The following P2RX1 variants were observed in gnomAD, a reference collection of about 807,000 sequenced individuals.
The protein encoded by P2RX1 is purinergic receptor P2X 1, also known as P2X purinoceptor 1.
In P2RX1, 42 loss-of-function variants were observed where a neutral mutation model predicts 50.3. The ratio of observed to expected loss-of-function variants is 0.83; its 90% confidence interval spans 0.65 to 1.08. P2RX1 has a LOEUF of 1.08. P2RX1 is among the 50% of genes least tolerant of loss of function. The pLI is 0.00. For synonymous variants in P2RX1, 199 were observed against 202.6 expected, an observed-to-expected ratio of 0.98 and a Z score of 0.15; for missense variants, 449 against 529.0, an observed-to-expected ratio of 0.85 and a Z score of 1.48.
At position 3,897,808 on chromosome 17, in the gene P2RX1, C is replaced by T. The variant is rs116629467; in HGVS notation, c.*6G>A. The T allele has an allele frequency of 1.8e-3, 2,878 of 1,612,214 alleles. 51 individuals are homozygous for T. In the African/African-American group the frequency reaches 0.032, roughly 18 times the overall value. On this transcript the variant is annotated 3_prime_UTR_variant, in exon 12 of 12. Transcript: ENST00000225538. ...CTGCACCCAGTCAGGAGTTGGGGCC[C>T]GAGCATCAGGATGTCCTCATGTTCT...
chr17:3,905,137 G>T, intron 2 of P2RX1, 83 bp downstream of exon 2: 1 of 1,551,470 alleles, frequency 6.4e-7, no homozygotes. Context: ...AGCTGGGCTG[G>T]TCCCACAGGG....
chr17:3,903,345 T>TG lies in P2RX1; in HGVS notation c.606-3dup, dbSNP rs2056189004. On this transcript the variant is annotated splice_polypyrimidine_tract_variant and splice_region_variant and intron_variant, in intron 6 of 11. Coordinates refer to ENST00000225538, the MANE Select transcript of P2RX1 (RefSeq NM_002558.4). The surrounding 1 kb of genome is among the most constrained non-coding windows in gnomAD (Gnocchi z 4.6). ...TTCACCTCCTCCACCAGGTTGCGCC[T>TG]GTGGGGGTGGAAGGTGTTGACAGCT... The TG allele has an allele frequency of 6.2e-7, 1 of 1,613,920 alleles. No homozygotes were observed.
chr17:3,909,665 A>G (rs904014062), intron 1 of P2RX1, among the ~76,000 whole-genome samples: 2 of 152,186 alleles, frequency 1.3e-5, no homozygotes, highest in Non-Finnish European at 2.9e-5. Context: ...TGGGCAACAT[A>G]GTAACACGCT....
At position 3,901,427 on chromosome 17, in the gene P2RX1, G is replaced by A. The variant is rs114920722; in HGVS notation, c.748-1666C>T. Among the ~76,000 whole-genome samples the A allele has an allele frequency of 3.3e-3, 504 of 152,268 alleles. 6 individuals carry two copies. The highest frequency in any genetic ancestry group is 0.012 in the African/African-American group (482 of 41,546). On this transcript the variant is annotated intron_variant, in intron 7 of 11. Transcript: ENST00000225538. ...TAACATTCAGCATGTGTGTTGCTCC[G>A]GCATCAACCCCCTCCAGGGGTCAGG...
At chr17:3,906,657 C>A (rs190040311) in intron 1 of P2RX1, among the ~76,000 whole-genome samples, 1 of 152,182 alleles carries the variant, frequency 6.6e-6, no homozygotes, top group African/African-American at 2.4e-5. Context: ...GTGGCTCAGT[C>A]GGGAGGTCTT....
At chr17:3,913,719 C>T (rs2144081461) in intron 1 of P2RX1, among the ~76,000 whole-genome samples, 1 of 152,364 alleles carries the variant, frequency 6.6e-6, no homozygotes, top group South Asian at 2.1e-4. Context: ...ATCCCCCACC[C>T]AGGCTTTGCC....
At chr17:3,915,881 C>T in intron 1 of P2RX1, 1 of 707,870 alleles carries the variant, frequency 1.4e-6, no homozygotes. Flanking sequence ...CACCGAAGGC[C>T]CCCGGGCAGG....
At position 3,903,215 on chromosome 17, in the gene P2RX1, G is replaced by T; in HGVS notation, c.734C>A (p.Thr245Asn). 1.2e-6 allele frequency: 2 copies of T among 1,614,154 alleles called. No individual in the cohort carries two copies. Among genetic ancestry groups the T allele is most frequent in the Non-Finnish European group, 8.5e-7 (1 of 1,180,044 alleles). ...CATGCTCCATACCTTCTCAGCCAGG[G>T]TGCTGAAGTTCTGGCCTGACTCTTG... ...VVQESGQNFS[T>N]LAEKGGVVGI... is the part of the protein sequence containing the mutation. The change falls in exon 7 of 12, where the codon ACC becomes AAC. Residue 245 changes from threonine to asparagine, a missense_variant. Coordinates refer to ENST00000225538, the MANE Select transcript of P2RX1 (RefSeq NM_002558.4). This position sits in a 1 kb window ranked among gnomAD's most constrained non-coding sequence, Gnocchi z 4.6.
intron 7 of P2RX1, among the ~76,000 whole-genome samples, chr17:3,900,615 T>G (rs1451056681): frequency 6.6e-6 from 1 of 152,196 alleles, no homozygotes; most frequent in Non-Finnish European, 1.5e-5. Context: ...ATTTATTTAT[T>G]TTCGCCCTGC....
At position 3,903,346 on chromosome 17, in the gene P2RX1, G is replaced by A. The variant is rs910225875; in HGVS notation, c.606-3C>T. 9 of 1,614,074 alleles carry A rather than the reference G, an allele frequency of 5.6e-6. No individual in the cohort carries two copies. The highest frequency in any genetic ancestry group is 2.2e-5 in the East Asian group (1 of 44,876). ...TCACCTCCTCCACCAGGTTGCGCCTGTGGGGGTGGAAGGTGTTGACAGCTG... is the reference window on the plus strand; with the variant it reads ...TCACCTCCTCCACCAGGTTGCGCCTATGGGGGTGGAAGGTGTTGACAGCTG... On this transcript the variant is annotated splice_region_variant and splice_polypyrimidine_tract_variant and intron_variant, in intron 6 of 11. Coordinates refer to ENST00000225538, the MANE Select transcript of P2RX1 (RefSeq NM_002558.4). The surrounding 1 kb of genome is among the most constrained non-coding windows in gnomAD (Gnocchi z 4.6).
chr17:3,898,112 T>A lies in P2RX1; in HGVS notation c.1033-2A>T. On this transcript the variant is annotated splice_acceptor_variant, in intron 10 of 11. Coordinates refer to ENST00000225538, the MANE Select transcript of P2RX1 (RefSeq NM_002558.4). LOFTEE classifies it high-confidence loss of function. ...CAGCAGGTCACAGAGAACTGTGGCC[T>A]GGGGTCAGGGAAGGGCACGGAGACA... The A allele has an allele frequency of 6.2e-7, 1 of 1,613,074 alleles. No homozygotes were observed. The highest frequency in any genetic ancestry group is 8.5e-7 in the Non-Finnish European group (1 of 1,179,624).
chr17:3,905,014 G>T (rs1171113879), intron 2 of P2RX1, 85 bp from the exon 3 acceptor site: 20 of 1,157,428 alleles, frequency 1.7e-5, no homozygotes, highest in Non-Finnish European at 2.5e-5. Flanking sequence ...CCCAGCAGAG[G>T]CCCCTAGAGC....
At chr17:3,904,541 T>G in intron 3 of P2RX1, 142 bp from the exon 4 acceptor site, 1 of 736,100 alleles carries the variant, frequency 1.4e-6, no homozygotes, top group Non-Finnish European at 2.3e-6. Context: ...CACAGCCTCC[T>G]TCCCCCATTT....
intron 1 of P2RX1, among the ~76,000 whole-genome samples, chr17:3,911,790 C>T (rs950453399): frequency 6.6e-6 from 1 of 152,230 alleles, no homozygotes; most frequent in African/African-American, 2.4e-5. Flanking sequence ...CTTCTCTATT[C>T]CTCTCCGGCC....
At chr17:3,910,287 T>G (rs187911869) in intron 1 of P2RX1, among the ~76,000 whole-genome samples, 81 of 152,298 alleles carry the variant, frequency 5.3e-4, no homozygotes, top group African/African-American at 1.9e-3. Context: ...CGAAATCTAT[T>G]TCGTGCCAAG....
In P2RX1 at chr17:3,915,900, T is replaced by C. The variant is rs572630045; in HGVS notation, c.137+189A>G. On this transcript the variant is annotated intron_variant, in intron 1 of 11. Transcript: ENST00000225538. ...GAAGGCCCCCGGGCAGGGCTTCCCC[T>C]CCGGCCTCGTCCCCATCTCAACAGC... 3.0e-4 allele frequency: 232 copies of C among 760,740 alleles called. 2 individuals are homozygous for C. Among genetic ancestry groups the C allele is most frequent in the Middle Eastern group, 1.1e-3 (5 of 4,420 alleles). 47.1% of individuals were successfully genotyped at this position (760,740 alleles called of 1,614,324 possible). A position where few individuals can be genotyped will look rare whatever the true frequency, so the allele number is the denominator to read the frequency against.
At chr17:3,909,300 G>A (rs973754765) in intron 1 of P2RX1, among the ~76,000 whole-genome samples, 2 of 152,084 alleles carry the variant, frequency 1.3e-5, no homozygotes, top group Admixed American at 6.5e-5. Context: ...AAGGTGCTGG[G>A]ATTACAGGCG....
chr17:3,902,530 A>AG (rs1491459612), intron 7 of P2RX1, among the ~76,000 whole-genome samples: 1 of 151,950 alleles, frequency 6.6e-6, no homozygotes, highest in East Asian at 1.9e-4. Context: ...TCCTGACCTC[A>AG]GGTGATCCGC....
rs1474068237 is a variant in P2RX1, at chr17:3,899,030, G to A, written c.876-6C>T. 9 of 1,608,774 alleles carry A rather than the reference G, an allele frequency of 5.6e-6. No individual in the cohort carries two copies. The highest frequency in any genetic ancestry group is 7.7e-6 in the Non-Finnish European group (9 of 1,176,118). On this transcript the variant is annotated splice_polypyrimidine_tract_variant and splice_region_variant and intron_variant, in intron 8 of 11. Transcript: ENST00000225538. ...CCACAAAGTGCCTGGCAAACCTTGG[G>A]GAAGGGATGAGGTGGCAGGAGGGTG...
Sources: gnomAD v4.1 joint callset for allele counts (sites outside exome capture counted in the v4.1 genomes callset) on GRCh38, gnomAD v4.1.1 for gene constraint, Gnocchi (gnomAD v3.1) non-coding constraint, MANE v1.5 for transcripts, NCBI Gene and HGNC (gene_info 2026-07-23, HGNC 2026-07-21) for gene names.